The following GOLGA6L2 variants were observed in gnomAD, a reference collection of about 807,000 sequenced individuals.
The protein encoded by GOLGA6L2 is golgin A6 family like 2.
Under a neutral mutation model 35.9 loss-of-function variants are expected in GOLGA6L2, and 30 were observed. The ratio of observed to expected loss-of-function variants is 0.83; its 90% confidence interval spans 0.62 to 1.13. The LOEUF (loss-of-function observed/expected upper bound fraction) is 1.13. Among genes scored for constraint, GOLGA6L2 ranks in the 50% most tolerant of loss-of-function variants. GOLGA6L2 has a pLI of 0.00. For synonymous variants in GOLGA6L2, 297 were observed against 344.0 expected, an observed-to-expected ratio of 0.86 and a Z score of 1.51; for missense variants, 821 against 973.4, an observed-to-expected ratio of 0.84 and a Z score of 2.08.
rs1596037863 is a variant in GOLGA6L2 at position 23,439,785 on chromosome 15, A to C, written c.2690T>G (p.Val897Gly). The change falls in exon 8 of 8, where the codon GTG (valine) becomes GGG (glycine). Residue 897 changes from valine (V) to glycine (G), a missense_variant. Physicochemically the swap from Val to Gly is moderately radical, Grantham distance 109 (BLOSUM62 -3). Around this residue, in one of 7 missense-constraint regions of GOLGA6L2, gnomAD observed 48 missense variants for 42.7 expected, o/e 1.12. Coordinates refer to ENST00000567107, the MANE Select transcript of GOLGA6L2 (RefSeq NM_001304388.2). ...GAGGGAGGGAGGCAGGGCTCTGAGC[A>C]CCGCTCCTCGTGCTCTGGCAGCCTC... is the stretch of plus-strand genomic sequence containing the variant. ...AGEAARARGA[V>G]LRALPPSLQS... The C allele has an allele frequency of 6.5e-7, 1 of 1,530,384 alleles. No individual in the cohort carries two copies. Among genetic ancestry groups the C allele is most frequent in the Non-Finnish European group, 8.7e-7 (1 of 1,145,334 alleles). 94.8% of individuals were successfully genotyped at this position (1,530,384 alleles called of 1,614,324 possible). A position where few individuals can be genotyped will look rare whatever the true frequency, so the allele number is the denominator to read the frequency against.
In GOLGA6L2 at chr15:23,444,220, A is replaced by G; in HGVS notation, c.244-8T>C. On this transcript the variant is annotated splice_polypyrimidine_tract_variant and splice_region_variant and intron_variant, in intron 3 of 7. Coordinates refer to ENST00000567107, the MANE Select transcript of GOLGA6L2 (RefSeq NM_001304388.2). ...GTGGCTTGCCTTCTTTTCCTATAGA[A>G]AGAGGAAGACAGAGCTCTTACTAGG... 1 of 1,604,090 alleles carries G rather than the reference A, an allele frequency of 6.2e-7. No homozygotes were observed. Among genetic ancestry groups the G allele is most frequent in the Non-Finnish European group, 8.5e-7 (1 of 1,178,176 alleles).
At chr15:23,442,653 A>G (rs2070708816) in intron 5 of GOLGA6L2, 145 bp from the exon 6 acceptor site, 4 of 728,724 alleles carry the variant, frequency 5.5e-6, no homozygotes, top group African/African-American at 3.7e-5. Context: ...TTCCAAGCCC[A>G]TGGTCTCATT....
rs1166718609 is a variant in GOLGA6L2, at chr15:23,444,531, G to A, written c.214-31C>T. The A allele has an allele frequency of 1.5e-5, 24 of 1,597,302 alleles. No individual in the cohort carries two copies. The Middle Eastern group carries it at 9.1e-4, about 61-fold the overall frequency. ...GGGAGAGTCAAAGGAAGGTGACTGA[G>A]GGTGGCCCCCTGGACTCTATTCCCC... On this transcript the variant is annotated intron_variant, in intron 2 of 7. Transcript: ENST00000567107.
intron 5 of GOLGA6L2, 71 bp downstream of exon 5, chr15:23,443,706 G>T: frequency 1.7e-6 from 2 of 1,178,016 alleles, no homozygotes; most frequent in Non-Finnish European, 2.4e-6. Flanking sequence ...TCCTGCAGGA[G>T]GGACCTTTAG....
chr15:23,439,447 CTTTTTTT>C lies in GOLGA6L2; in HGVS notation c.*291_*297del, dbSNP rs74627979. On this transcript the variant is annotated 3_prime_UTR_variant, in exon 8 of 8. Coordinates refer to ENST00000567107, the MANE Select transcript of GOLGA6L2 (RefSeq NM_001304388.2). ...CACAATTTAAAGTAAATTTTCTTTT[CTTTTTTT>C]TTTTTTTTTTCAAGTTTGTGCTCAG... 22 of 417,892 alleles carry C rather than the reference CTTTTTTT, an allele frequency of 5.3e-5. No individual in the cohort carries two copies. The highest frequency in any genetic ancestry group is 7.0e-5 in the African/African-American group (3 of 42,566). 25.9% of individuals were successfully genotyped at this position (417,892 alleles called of 1,614,324 possible). A position where few individuals can be genotyped will look rare whatever the true frequency, so the allele number is the denominator to read the frequency against.
rs545688057 is a variant in GOLGA6L2 at position 23,441,272 on chromosome 15, C to T, written c.1203G>A (p.Glu401=). The T allele has an allele frequency of 1.4e-4, 220 of 1,538,922 alleles. No homozygotes were observed. Among genetic ancestry groups the T allele is most frequent in the Middle Eastern group, 3.4e-4 (2 of 5,962 alleles). The part of the protein sequence containing the change: ...KMRDQEERMW[E]QDERLREKEE... ...CCTTCTCCCGTAGCCTCTCGTCCTGCTCCCACATCCTCTCCTCTTGGTCCC... is the reference window on the plus strand; with the variant it reads ...CCTTCTCCCGTAGCCTCTCGTCCTGTTCCCACATCCTCTCCTCTTGGTCCC... Residue 401 remains glutamate, a synonymous_variant, in exon 8 of 8, where the codon GAG becomes GAA. Transcript: ENST00000567107.
intron 7 of GOLGA6L2, 116 bp downstream of exon 7, chr15:23,441,863 A>G: frequency 7.1e-7 from 1 of 1,412,604 alleles, no homozygotes; most frequent in Non-Finnish European, 9.3e-7. Flanking sequence ...TGGGACCAGA[A>G]CAAGGACCCA....
rs2070626789 is a variant in GOLGA6L2 at position 23,439,773 on chromosome 15, AG to A, written c.2701del (p.Leu901CysfsTer77). 6.5e-7 allele frequency: 1 copy of A among 1,534,788 alleles called. No homozygotes were observed. Among genetic ancestry groups the A allele is most frequent in the Non-Finnish European group, 8.7e-7 (1 of 1,146,546 alleles). On this transcript the variant is annotated frameshift_variant, in exon 8 of 8. Coordinates refer to ENST00000567107, the MANE Select transcript of GOLGA6L2 (RefSeq NM_001304388.2). LOFTEE classifies it low-confidence loss of function (END_TRUNC). ...ARARGAVLRA[L>X]PPSLQSSL is the part of the protein sequence containing the mutation. ...CAAAGAACTTTGGAGGGAGGGAGGC[AG>A]GGCTCTGAGCACCGCTCCTCGTGCT...
chr15:23,445,542 C>A, intron 1 of GOLGA6L2, 104 bp from the exon 2 acceptor site: 1 of 256,088 alleles, frequency 3.9e-6, no homozygotes, highest in Non-Finnish European at 7.9e-6. Context: ...TTAATGCCAC[C>A]AACGACCGTA....
Position 23,444,497 on chromosome 15 carries a change from G to C in GOLGA6L2, c.217C>G (p.Gln73Glu). The C allele has an allele frequency of 6.3e-7, 1 of 1,599,756 alleles. No homozygotes were observed. Among genetic ancestry groups the C allele is most frequent in the Non-Finnish European group, 8.5e-7 (1 of 1,179,778 alleles). Residue 73 changes from glutamine (Q) to glutamate (E), a missense_variant, in exon 3 of 8, where the codon CAA (glutamine) becomes GAA (glutamate). By Grantham distance (29) the Gln-to-Glu change is conservative (BLOSUM62 2). Around this residue, in one of 7 missense-constraint regions of GOLGA6L2, gnomAD observed 614 missense variants for 632.3 expected, o/e 0.97. Transcript: ENST00000567107. ...SEGCHSPEDT[Q>E]QNRAQLKEEK... ...TCTTTCAGCTGCGCTCGGTTCTGTT[G>C]TGTCTGTGGGGAGAGTCAAAGGAAG...
chr15:23,441,731 A>T, intron 7 of GOLGA6L2, 49 bp from the exon 8 acceptor site: 2 of 1,434,276 alleles, frequency 1.4e-6, no homozygotes, highest in Non-Finnish European at 1.8e-6. Flanking sequence ...GTAATCTATA[A>T]AATAACAGTT....
rs2070618362 is a variant in GOLGA6L2, at chr15:23,439,186, TG to T, written c.*558del. 1.3e-4 allele frequency among the ~76,000 whole-genome samples: 2 copies of T among 15,418 alleles called. No homozygotes were observed. The highest frequency in any genetic ancestry group is 0.026 in the East Asian group (2 of 76). The allele number at this position is 15,418 out of a possible 152,430, so 10.1% of individuals were successfully genotyped here. Reference sequence around the variant, plus strand: ...TTTTTTTTGAGATGGAATCTCGCTCTGTCATCCAGGCTGGAATGCGGTGGTG... The same window carrying T: ...TTTTTTTTGAGATGGAATCTCGCTCTTCATCCAGGCTGGAATGCGGTGGTG... On this transcript the variant is annotated 3_prime_UTR_variant, in exon 8 of 8. Transcript: ENST00000567107.
Position 23,442,061 on chromosome 15 carries a change from G to C in GOLGA6L2, c.710C>G (p.Ala237Gly). Residue 237 changes from alanine (A) to glycine (G), a missense_variant, in exon 7 of 8, where the codon GCA becomes GGA. Physicochemically the swap from Ala to Gly is moderately conservative, Grantham distance 60 (BLOSUM62 0). Transcript: ENST00000567107. ...CTGGATCTCAGACTTTTCAGATTCT[G>C]CAAGTCGAAGTTTTTCTTGTAGTTC... ...NAELQEKLRL[A>G]ESEKSEIQLN... 6.5e-7 allele frequency: 1 copy of C among 1,544,848 alleles called. No individual in the cohort carries two copies. Among genetic ancestry groups the C allele is most frequent in the East Asian group, 2.4e-5 (1 of 42,456 alleles).
Position 23,440,786 on chromosome 15 carries a change from T to C in GOLGA6L2, c.1689A>G (p.Gly563=), listed in dbSNP as rs2070664111. Residue 563 remains glycine (G), a synonymous_variant, in exon 8 of 8, where the codon GGA becomes GGG. Coordinates refer to ENST00000567107, the MANE Select transcript of GOLGA6L2 (RefSeq NM_001304388.2). ...GAGEADVGAG[G]EDAGSGAEDV... ...CTTCTGCTCCTGATCCCGCATCTTC[T>C]CCTCCTGCTCCCACATCTGCTTCTC... is the stretch of plus-strand genomic sequence containing the variant. 6.5e-7 allele frequency: 1 copy of C among 1,528,030 alleles called. No individual in the cohort carries two copies. The highest frequency in any genetic ancestry group is 2.1e-5 in the Admixed American group (1 of 48,672). The allele number at this position is 1,528,030 out of a possible 1,614,324, so 94.7% of individuals were successfully genotyped here.
chr15:23,442,515 A>G lies in GOLGA6L2; in HGVS notation c.592-7T>C. The G allele has an allele frequency of 1.9e-6, 3 of 1,589,470 alleles. No homozygotes were observed. Among genetic ancestry groups the G allele is most frequent in the Non-Finnish European group, 2.6e-6 (3 of 1,174,948 alleles). On this transcript the variant is annotated splice_region_variant and splice_polypyrimidine_tract_variant and intron_variant, in intron 5 of 7. Transcript: ENST00000567107. ...TTGTTAACTCCTCGATGTACTGCAA[A>G]TAGAGAAAGGTTAAGTCAGGACAGA...
rs2141082012 is a variant in GOLGA6L2, at chr15:23,442,574, A to G, written c.592-66T>C. ...AAGAGCAGCTGGCCGACCAGGAACA[A>G]CAGCTACACTGATACTCCACAGTAA... is the stretch of plus-strand genomic sequence containing the variant. On this transcript the variant is annotated intron_variant, in intron 5 of 7. Coordinates refer to ENST00000567107, the MANE Select transcript of GOLGA6L2 (RefSeq NM_001304388.2). 28 of 1,420,002 alleles carry G rather than the reference A, an allele frequency of 2.0e-5. 2 individuals are homozygous for G. The South Asian group carries it at 3.2e-4, about 16-fold the overall frequency. The allele number at this position is 1,420,002 out of a possible 1,614,324, so 88.0% of individuals were successfully genotyped here. A position where few individuals can be genotyped will look rare whatever the true frequency, so the allele number is the denominator to read the frequency against.
Position 23,440,492 on chromosome 15 carries a change from C to CGCATCTTCTCTTCCTGCTCCT in GOLGA6L2, c.1962_1982dup (p.Arg658_Gly664dup). On this transcript the variant is annotated inframe_insertion, in exon 8 of 8. Transcript: ENST00000567107. ...CTCCCACATCTTCTCCTCCTGCTCCCGCATCTTCTCTTCCTGCTCCTGCAT... is the reference window on the plus strand; with the variant it reads ...CTCCCACATCTTCTCCTCCTGCTCCCGCATCTTCTCTTCCTGCTCCTGCATCTTCTCTTCCTGCTCCTGCAT... 1.2e-6 allele frequency: 1 copy of CGCATCTTCTCTTCCTGCTCCT among 862,174 alleles called. No individual in the cohort carries two copies. Among genetic ancestry groups the CGCATCTTCTCTTCCTGCTCCT allele is most frequent in the African/African-American group, 1.8e-5 (1 of 56,628 alleles). 53.4% of individuals were successfully genotyped at this position (862,174 alleles called of 1,614,324 possible). A position where few individuals can be genotyped will look rare whatever the true frequency, so the allele number is the denominator to read the frequency against.
Position 23,441,427 on chromosome 15 carries a change from T to C in GOLGA6L2, c.1048A>G (p.Met350Val). The change falls in exon 8 of 8, where the codon ATG (methionine) becomes GTG (valine). Residue 350 changes from methionine (M) to valine (V), a missense_variant. Physicochemically the swap from Met to Val is conservative, Grantham distance 21. Coordinates refer to ENST00000567107, the MANE Select transcript of GOLGA6L2 (RefSeq NM_001304388.2). Reference protein sequence around the residue: ...QKKLREQEEQMQEQEEKMWEQ... With the variant: ...QKKLREQEEQVQEQEEKMWEQ... ...CACATCTTCTCCTCCTGCTCCTGCA[T>C]CTGCTCCTCCTGCTCCCGCAGCTTC... The C allele has an allele frequency of 7.0e-7, 1 of 1,430,408 alleles. No homozygotes were observed. Among genetic ancestry groups the C allele is most frequent in the Non-Finnish European group, 9.4e-7 (1 of 1,068,646 alleles). 88.6% of individuals were successfully genotyped at this position (1,430,408 alleles called of 1,614,324 possible). A position where few individuals can be genotyped will look rare whatever the true frequency, so the allele number is the denominator to read the frequency against.
At position 23,444,274 on chromosome 15, in the gene GOLGA6L2, T is replaced by G; in HGVS notation, c.244-62A>C. ...AGGCAGAGATCCACAGCAAGAGACA[T>G]GCCCCCAGAATGGCACCAATGCCCC... On this transcript the variant is annotated intron_variant, in intron 3 of 7. Transcript: ENST00000567107. 2.6e-6 allele frequency: 4 copies of G among 1,565,386 alleles called. No individual in the cohort carries two copies. The South Asian group carries it at 3.4e-5, about 13-fold the overall frequency.
Sources: gnomAD v4.1 joint callset for allele counts (sites outside exome capture counted in the v4.1 genomes callset) on GRCh38, gnomAD v4.1.1 for gene constraint, gnomAD v4.1.1 regional missense constraint, MANE v1.5 for transcripts, NCBI Gene and HGNC (gene_info 2026-07-23, HGNC 2026-07-21) for gene names.